Variants in KCNQ4 observed in about 807,000 individuals in gnomAD.
KCNQ4 encodes potassium voltage-gated channel subfamily KQT member 4.
A neutral mutation model predicts 72.6 loss-of-function variants in KCNQ4; 31 were observed. That is an observed-to-expected ratio of 0.43 (90% CI 0.32 to 0.58). KCNQ4 has a LOEUF of 0.58. Among genes scored for constraint, KCNQ4 ranks in the 20% least tolerant of loss-of-function variants. The pLI is 0.08. For missense variants in KCNQ4, 869 were observed against 962.6 expected (o/e 0.90, Z 1.29); for synonymous variants, 405 against 403.7 (o/e 1.00, Z -0.04).
chr1:40,804,110 C>A (rs1321337412), intron 1 of KCNQ4, among the ~76,000 whole-genome samples: 1 of 152,218 alleles, frequency 6.6e-6, no homozygotes, highest in Non-Finnish European at 1.5e-5. Context: ...ACTCAGAGGA[C>A]AGAAGGCTCC....
rs1647223351 is a variant in KCNQ4 at position 40,788,160 on chromosome 1, T to A, written c.314+3753T>A. ...AGAACATCGCCTGGGTTGGAAATCA[T>A]CCCAGCAAAGTGTCCTCAGAACCCT... On this transcript the variant is annotated intron_variant, in intron 1 of 13. Coordinates refer to ENST00000347132, the MANE Select transcript of KCNQ4 (RefSeq NM_004700.4). This position sits in a 1 kb window ranked among gnomAD's most constrained non-coding sequence, Gnocchi z 4.5. 1.3e-5 allele frequency among the ~76,000 whole-genome samples: 2 copies of A among 151,882 alleles called. No individual in the cohort carries two copies. Among genetic ancestry groups the A allele is most frequent in the African/African-American group, 4.8e-5 (2 of 41,318 alleles).
At chr1:40,837,895 C>T (rs1363540666) in intron 13 of KCNQ4, 101 bp downstream of exon 13, 8 of 1,485,014 alleles carry the variant, frequency 5.4e-6, no homozygotes, top group Non-Finnish European at 6.4e-6. Context: ...GCCCAAGGGT[C>T]CCCGAGAAGA....
At chr1:40,810,652 C>T (rs184570361) in intron 1 of KCNQ4, among the ~76,000 whole-genome samples, 210 of 152,236 alleles carry the variant, frequency 1.4e-3, no homozygotes, top group African/African-American at 4.4e-3. Flanking sequence ...GAGAGAGAGC[C>T]GTGGACACTG....
At position 40,793,629 on chromosome 1, in the gene KCNQ4, T is replaced by C. The variant is rs539396168; in HGVS notation, c.314+9222T>C. ...AATCCATGTGACAGTGACTCCCCGATCCCCAGTGCCCAAGTCAGAAATGCC... is the reference window on the plus strand; with the variant it reads ...AATCCATGTGACAGTGACTCCCCGACCCCCAGTGCCCAAGTCAGAAATGCC... On this transcript the variant is annotated intron_variant, in intron 1 of 13. Coordinates refer to ENST00000347132, the MANE Select transcript of KCNQ4 (RefSeq NM_004700.4). 3.9e-5 allele frequency among the ~76,000 whole-genome samples: 6 copies of C among 152,242 alleles called. No individual in the cohort carries two copies. The East Asian group carries it at 1.2e-3, about 29-fold the overall frequency.
intron 1 of KCNQ4, among the ~76,000 whole-genome samples, chr1:40,799,581 G>A (rs1320868774): frequency 6.6e-6 from 1 of 152,238 alleles, no homozygotes; most frequent in East Asian, 1.9e-4. Flanking sequence ...CCTGAGTTGA[G>A]GGTCCAGCCC....
intron 1 of KCNQ4, among the ~76,000 whole-genome samples, chr1:40,809,775 C>T (rs895625662): frequency 6.6e-6 from 1 of 152,156 alleles, no homozygotes; most frequent in South Asian, 2.1e-4. Context: ...TCTTAGAACT[C>T]CACAATTGGC....
In KCNQ4 at chr1:40,784,456, C is replaced by G. The variant is rs1346192576; in HGVS notation, c.314+49C>G. 6 of 1,570,978 alleles carry G rather than the reference C, an allele frequency of 3.8e-6. No homozygotes were observed. Among genetic ancestry groups the G allele is most frequent in the Non-Finnish European group, 4.3e-6 (5 of 1,152,838 alleles). On this transcript the variant is annotated intron_variant, in intron 1 of 13. Transcript: ENST00000347132. The surrounding 1 kb of genome is among the most constrained non-coding windows in gnomAD (Gnocchi z 4.1). Reference sequence around the variant, plus strand: ...TCCGCGTTTCCCCGCGCAAGCCTGGCCTCCCGGGGCACGGCCGCCCCGCCC... The same window carrying G: ...TCCGCGTTTCCCCGCGCAAGCCTGGGCTCCCGGGGCACGGCCGCCCCGCCC...
chr1:40,802,283 C>G (rs1647601773), intron 1 of KCNQ4, among the ~76,000 whole-genome samples: 1 of 152,082 alleles, frequency 6.6e-6, no homozygotes, highest in African/African-American at 2.4e-5. Context: ...CGTCCCCCCT[C>G]TCCGCCCCTG....
intron 11 of KCNQ4, among the ~76,000 whole-genome samples, chr1:40,834,745 C>G (rs921158279): frequency 2.0e-5 from 3 of 151,916 alleles, no homozygotes; most frequent in African/African-American, 7.3e-5. Flanking sequence ...CACCCTGAAC[C>G]CCATCCTCCA....
At chr1:40,836,468 A>G (rs1463733167) in intron 12 of KCNQ4, among the ~76,000 whole-genome samples, 1 of 152,150 alleles carries the variant, frequency 6.6e-6, no homozygotes, top group Non-Finnish European at 1.5e-5. Context: ...AGAAGTGTGG[A>G]GTGCAGAGCA....
chr1:40,809,719 T>C (rs1242124074), intron 1 of KCNQ4, among the ~76,000 whole-genome samples: 1 of 152,196 alleles, frequency 6.6e-6, no homozygotes, highest in Non-Finnish European at 1.5e-5. Flanking sequence ...TTCTGTGTAC[T>C]TCCCCAAGTG....
At position 40,788,377 on chromosome 1, in the gene KCNQ4, G is replaced by C. The variant is rs1038581975; in HGVS notation, c.314+3970G>C. Among the ~76,000 whole-genome samples the C allele has an allele frequency of 6.6e-6, 1 of 152,198 alleles. No homozygotes were observed. The highest frequency in any genetic ancestry group is 2.4e-5 in the African/African-American group (1 of 41,446). ...TGCTCCTGCTTCCTTGTCCAGGACT[G>C]TTCGCTCCGTTCCTAGTGGCCACCG... On this transcript the variant is annotated intron_variant, in intron 1 of 13. Coordinates refer to ENST00000347132, the MANE Select transcript of KCNQ4 (RefSeq NM_004700.4). The surrounding 1 kb of genome is among the most constrained non-coding windows in gnomAD (Gnocchi z 4.5).
intron 1 of KCNQ4, among the ~76,000 whole-genome samples, chr1:40,803,105 A>C (rs545532321): frequency 6.6e-6 from 1 of 152,208 alleles, no homozygotes; most frequent in Admixed American, 6.5e-5. Flanking sequence ...AGGGTTTTGG[A>C]GGTAGAAGGA....
At position 40,838,578 on chromosome 1, in the gene KCNQ4, A is replaced by G. The variant is rs1478752707; in HGVS notation, c.*55A>G. 6 of 1,538,006 alleles carry G rather than the reference A, an allele frequency of 3.9e-6. No individual in the cohort carries two copies. In the African/African-American group the frequency reaches 4.1e-5, roughly 10 times the overall value. The stretch of plus-strand genomic sequence containing the variant: ...GCCAGCCCCGCGGCCTGGCGCTCCG[A>G]CTGCCCTCTGAGGCCTCCGGACTCC... On this transcript the variant is annotated 3_prime_UTR_variant, in exon 14 of 14. Transcript: ENST00000347132.
At chr1:40,813,418 G>A (rs2148313825) in intron 1 of KCNQ4, among the ~76,000 whole-genome samples, 1 of 152,280 alleles carries the variant, frequency 6.6e-6, no homozygotes, top group African/African-American at 2.4e-5. Context: ...TCTGAAGGTA[G>A]AGCCAATGGA....
At chr1:40,827,452 C>T (rs1448885613) in intron 9 of KCNQ4, among the ~76,000 whole-genome samples, 1 of 152,116 alleles carries the variant, frequency 6.6e-6, no homozygotes, top group Non-Finnish European at 1.5e-5. Context: ...GGGAAAAAAG[C>T]TGGCAGCCCA....
At position 40,784,301 on chromosome 1, in the gene KCNQ4, G is replaced by C; in HGVS notation, c.208G>C (p.Gly70Arg). The C allele has an allele frequency of 6.3e-7, 1 of 1,596,716 alleles. No homozygotes were observed. The highest frequency in any genetic ancestry group is 8.5e-7 in the Non-Finnish European group (1 of 1,174,870). ...GPGSGSGSAC[G>R]QRSSAAHKRY... ...GGGCTCCGGCTCGGGCTCCGCCTGC[G>C]GCCAGCGCTCCTCGGCCGCGCACAA... The change falls in exon 1 of 14, where the codon GGC becomes CGC. Residue 70 changes from glycine (G) to arginine (R), a missense_variant. Gly to Arg is a moderately radical substitution (Grantham distance 125). Around this residue, in one of 5 missense-constraint regions of KCNQ4, gnomAD observed 178 missense variants for 145.3 expected, o/e 1.22. Transcript: ENST00000347132. This position sits in a 1 kb window ranked among gnomAD's most constrained non-coding sequence, Gnocchi z 4.1.
intron 9 of KCNQ4, among the ~76,000 whole-genome samples, chr1:40,827,977 C>T (rs4660176): frequency 0.33 from 50,779 of 152,114 alleles, 9,109 homozygotes; most frequent in Middle Eastern, 0.41. Flanking sequence ...GCTAAGGAGT[C>T]TCTGGGTCAG....
intron 9 of KCNQ4, 100 bp downstream of exon 9, chr1:40,824,358 G>GCTGAA: frequency 1.5e-6 from 2 of 1,346,382 alleles, no homozygotes; most frequent in Non-Finnish European, 2.0e-6. Context: ...CCACTTCGTG[G>GCTGAA]GTGTCTGGGC....
Sources: allele counts gnomAD v4.1 joint callset (sites outside exome capture counted in the v4.1 genomes callset), GRCh38; gene constraint gnomAD v4.1.1; regional missense constraint gnomAD v4.1.1; non-coding constraint Gnocchi (gnomAD v3.1); transcripts MANE v1.5; gene names NCBI Gene and HGNC (gene_info 2026-07-23, HGNC 2026-07-21).